Variants in GAP43 observed in about 807,000 individuals in gnomAD.
The protein encoded by GAP43 is growth associated protein 43.
In GAP43, 6 loss-of-function variants were observed where a neutral mutation model predicts 18.6. That is an observed-to-expected ratio of 0.32 (90% CI 0.18 to 0.64). The LOEUF (loss-of-function observed/expected upper bound fraction) is 0.64, where lower values mean the gene tolerates loss of function less well. GAP43 is among the 30% of genes least tolerant of loss of function. The probability of loss-of-function intolerance (pLI) is 0.78; values close to 1 mark genes in which losing one functional copy is unlikely to be tolerated. For missense variants in GAP43, 292 were observed against 295.5 expected (o/e 0.99, Z 0.09); for synonymous variants, 115 against 111.4 (o/e 1.03, Z -0.20).
intron 2 of GAP43, among the ~76,000 whole-genome samples, chr3:115,681,620 T>C (rs1708958668): frequency 6.6e-6 from 1 of 152,208 alleles, no homozygotes; most frequent in South Asian, 2.1e-4. Flanking sequence ...ATTCATCTCA[T>C]CCTTAGGAAA....
intron 1 of GAP43, among the ~76,000 whole-genome samples, chr3:115,647,987 T>C (rs1708477870): frequency 6.6e-6 from 1 of 152,118 alleles, no homozygotes; most frequent in Admixed American, 6.6e-5. Context: ...GTAAAATGAA[T>C]TGCAGACTTT....
At chr3:115,627,833 G>A (rs1480262919) in intron 1 of GAP43, among the ~76,000 whole-genome samples, 2 of 152,114 alleles carry the variant, frequency 1.3e-5, no homozygotes, top group East Asian at 3.9e-4. Context: ...GGTGGCTTTT[G>A]TACCTTTGTA....
chr3:115,692,209 A>C (rs1463540962), intron 2 of GAP43, among the ~76,000 whole-genome samples: 1 of 152,200 alleles, frequency 6.6e-6, no homozygotes, highest in Non-Finnish European at 1.5e-5. Context: ...CCTGTGTTTT[A>C]ATGAACGATG....
intron 2 of GAP43, among the ~76,000 whole-genome samples, chr3:115,687,654 G>C (rs866854487): frequency 6.6e-6 from 1 of 152,094 alleles, no homozygotes; most frequent in Middle Eastern, 3.2e-3. Flanking sequence ...GCAGAGGCCA[G>C]GTTAACAAGG....
At chr3:115,638,551 A>G in intron 1 of GAP43, among the ~76,000 whole-genome samples, 1 of 147,398 alleles carries the variant, frequency 6.8e-6, no homozygotes, top group East Asian at 2.0e-4. Flanking sequence ...TCTCAATCTG[A>G]TTTTTTTTAA....
chr3:115,716,759 T>TATATAC (rs1553725790), intron 2 of GAP43, among the ~76,000 whole-genome samples: 22 of 107,708 alleles, frequency 2.0e-4, no homozygotes, highest in African/African-American at 3.7e-4. Context: ...TATATATATA[T>TATATAC]ATATATATAC....
chr3:115,691,220 G>A (rs1709106976), intron 2 of GAP43, among the ~76,000 whole-genome samples: 1 of 152,172 alleles, frequency 6.6e-6, no homozygotes, highest in East Asian at 1.9e-4. Flanking sequence ...TGTATTCGAA[G>A]TAATACAAAA....
At chr3:115,683,124 T>TGCGCGTGTGCGCGC (rs1185517951) in intron 2 of GAP43, among the ~76,000 whole-genome samples, 1 of 113,796 alleles carries the variant, frequency 8.8e-6, no homozygotes, top group African/African-American at 3.1e-5. Flanking sequence ...TACATACATG[T>TGCGCGTGTGCGCGC]GCGCGCGCGT....
chr3:115,698,165 A>AAT (rs1709237112), intron 2 of GAP43, among the ~76,000 whole-genome samples: 2 of 30,008 alleles, frequency 6.7e-5, no homozygotes, highest in Non-Finnish European at 1.3e-4. Flanking sequence ...TAATATATAA[A>AAT]ATATATTAAA....
chr3:115,665,989 AGTGTGTGTGTGTGTGTGTGTGT>A (rs34314907), intron 1 of GAP43, among the ~76,000 whole-genome samples: 1 of 61,672 alleles, frequency 1.6e-5, no homozygotes, highest in Non-Finnish European at 3.6e-5. Context: ...TGGCTAAATG[AGTGTGTGTGTGTGTGTGTGTGT>A]GTGTGTGTGT....
At chr3:115,704,120 A>G (rs538831687) in intron 2 of GAP43, among the ~76,000 whole-genome samples, 14 of 152,214 alleles carry the variant, frequency 9.2e-5, no homozygotes, top group African/African-American at 3.4e-4. Flanking sequence ...CACACATGCA[A>G]GTATATAATG....
rs73140356 is a variant in GAP43 at position 115,666,622 on chromosome 3, A to G, written c.31-9391A>G. Among the ~76,000 whole-genome samples, 987 of 152,238 alleles carry G rather than the reference A, an allele frequency of 6.5e-3. 6 individuals carry two copies. Among genetic ancestry groups the G allele is most frequent in the South Asian group, 0.012 (59 of 4,818 alleles). Reference sequence around the variant, plus strand: ...CTCATTTGATTCTCATATCAGCCCAATGGGATAGTTTTTTTATTCCCTCAT... The same window carrying G: ...CTCATTTGATTCTCATATCAGCCCAGTGGGATAGTTTTTTTATTCCCTCAT... On this transcript the variant is annotated intron_variant, in intron 1 of 2. Transcript: ENST00000305124.
rs575294331 is a variant in GAP43, at chr3:115,675,112, C to G, written c.31-901C>G. Among the ~76,000 whole-genome samples the G allele has an allele frequency of 2.6e-5, 4 of 152,226 alleles. No homozygotes were observed. The East Asian group carries it at 7.7e-4, about 29-fold the overall frequency. ...TTTGAGACAGGGTCTCAATCTGTTA[C>G]CAAGGCTGAAGTGCAGTGACACAAC... On this transcript the variant is annotated intron_variant, in intron 1 of 2. Transcript: ENST00000305124.
chr3:115,683,147 G>GCGCGCACACACA (rs1252333447), intron 2 of GAP43, among the ~76,000 whole-genome samples: 26 of 127,444 alleles, frequency 2.0e-4, no homozygotes, highest in South Asian at 6.1e-4. Flanking sequence ...GCGCGCGCGC[G>GCGCGCACACACA]CACACACACA....
At chr3:115,674,509 T>C (rs1708856047) in intron 1 of GAP43, among the ~76,000 whole-genome samples, 1 of 152,218 alleles carries the variant, frequency 6.6e-6, no homozygotes, top group Non-Finnish European at 1.5e-5. Flanking sequence ...AAAGGTAACA[T>C]TCTATATGCT....
chr3:115,634,485 A>G (rs1263336243), intron 1 of GAP43, among the ~76,000 whole-genome samples: 1 of 152,110 alleles, frequency 6.6e-6, no homozygotes, highest in Non-Finnish European at 1.5e-5. Context: ...GGAAAGAAAG[A>G]AAAAAATTGA....
intron 1 of GAP43, among the ~76,000 whole-genome samples, chr3:115,659,405 G>A (rs895057014): frequency 2.0e-5 from 3 of 152,146 alleles, no homozygotes; most frequent in African/African-American, 4.8e-5. Context: ...AACGAAGCAG[G>A]TGGAAAGAAG....
At chr3:115,682,645 T>G (rs1339728725) in intron 2 of GAP43, among the ~76,000 whole-genome samples, 1 of 152,226 alleles carries the variant, frequency 6.6e-6, no homozygotes, top group East Asian at 1.9e-4. Context: ...CTAGTGATTC[T>G]CCTGCCTCAA....
chr3:115,635,717 G>C lies in GAP43; in HGVS notation c.30+11998G>C, dbSNP rs545377365. ...AGAAGTACTCTGCAGGACTAGGTAT[G>C]AAAAGAAAAAAAAAAAAATAAGTGT... On this transcript the variant is annotated intron_variant, in intron 1 of 2. Coordinates refer to ENST00000305124, the MANE Select transcript of GAP43 (RefSeq NM_002045.4). Among the ~76,000 whole-genome samples, 9 of 147,164 alleles carry C rather than the reference G, an allele frequency of 6.1e-5. No individual in the cohort carries two copies. The South Asian group carries it at 1.9e-3, about 31-fold the overall frequency.
Sources: gnomAD v4.1 joint callset for allele counts (sites outside exome capture counted in the v4.1 genomes callset) on GRCh38, gnomAD v4.1.1 for gene constraint, MANE v1.5 for transcripts, NCBI Gene and HGNC (gene_info 2026-07-23, HGNC 2026-07-21) for gene names.